The following GOT1L1 variants were observed in gnomAD, a reference collection of about 807,000 sequenced individuals.
GOT1L1 encodes the protein aspartate aminotransferase, cytoplasmic 2.
Under a neutral mutation model 43.6 loss-of-function variants are expected in GOT1L1, and 38 were observed. The ratio of observed to expected loss-of-function variants is 0.87; its 90% confidence interval spans 0.67 to 1.14. The LOEUF is 1.14. Among genes scored for constraint, GOT1L1 ranks in the 50% most tolerant of loss-of-function variants. The pLI, the probability that GOT1L1 is intolerant of heterozygous loss-of-function variation, is 0.00. For missense variants in GOT1L1, 482 were observed against 504.0 expected (o/e 0.96, Z 0.42); for synonymous variants, 183 against 187.2 (o/e 0.98, Z 0.18).
In GOT1L1 at chr8:37,939,933, T is replaced by A. The variant is rs1807881762; in HGVS notation, c.97A>T (p.Ile33Leu). Residue 33 changes from isoleucine (I) to leucine (L), a missense_variant, in exon 1 of 9, where the codon ATA becomes TTA. Ile to Leu is a conservative substitution (Grantham distance 5, BLOSUM62 2). Transcript: ENST00000307599. Reference protein sequence around the residue: ...TYKQDDYPNKIFLAYRVCMTN... With the variant: ...TYKQDDYPNKLFLAYRVCMTN... ...CATCTACCTCTATAGGCTAAGAATA[T>A]CTTGTTCGGGTAATCATCTTGTTTG... 1 of 1,613,534 alleles carries A rather than the reference T, an allele frequency of 6.2e-7. No individual in the cohort carries two copies. The highest frequency in any genetic ancestry group is 8.5e-7 in the Non-Finnish European group (1 of 1,179,578).
chr8:37,935,264 C>A, intron 7 of GOT1L1, 49 bp from the exon 8 acceptor site: 1 of 1,519,444 alleles, frequency 6.6e-7, no homozygotes. Flanking sequence ...CCCCCTTGCC[C>A]TCAAACCTCC....
intron 8 of GOT1L1, 28 bp downstream of exon 8, chr8:37,935,045 G>C (rs1312240785): frequency 2.5e-6 from 4 of 1,612,594 alleles, no homozygotes; most frequent in Non-Finnish European, 1.7e-6. Flanking sequence ...GGTCAGAAAG[G>C]GGGGACACCA....
At chr8:37,936,132 TTTTTTA>T (rs372141435) in intron 6 of GOT1L1, among the ~76,000 whole-genome samples, 6 of 151,978 alleles carry the variant, frequency 3.9e-5, no homozygotes, top group African/African-American at 9.7e-5. Flanking sequence ...TTTCCTTTCC[TTTTTTA>T]TTTTTATTTT....
chr8:37,934,527 C>G (rs747928084), intron 8 of GOT1L1, 41 bp from the exon 9 acceptor site: 1 of 1,400,772 alleles, frequency 7.1e-7, no homozygotes, highest in South Asian at 1.2e-5. Flanking sequence ...GACTGGCCAT[C>G]TCGAATTCTC....
intron 2 of GOT1L1, 56 bp from the exon 3 acceptor site, chr8:37,937,805 TC>T: frequency 8.0e-7 from 1 of 1,245,148 alleles, no homozygotes. Flanking sequence ...CACCTGTAAT[TC>T]CAGCACTTTG....
rs1807795717 is a variant in GOT1L1 at position 37,937,513 on chromosome 8, G to A, written c.409+125C>T. 1.2e-5 allele frequency: 12 copies of A among 993,106 alleles called. No individual in the cohort carries two copies. In the South Asian group the frequency reaches 1.8e-4, roughly 15 times the overall value. The allele number at this position is 993,106 out of a possible 1,614,324, so 61.5% of individuals were successfully genotyped here. On this transcript the variant is annotated intron_variant, in intron 3 of 8. Coordinates refer to ENST00000307599, the MANE Select transcript of GOT1L1 (RefSeq NM_152413.3). ...CATTAACAGGAAAAGGACATAAATA[G>A]CTTGGCTTGTCTGCCATTTTGCTCA...
At chr8:37,938,581 G>T (rs1273532512) in intron 2 of GOT1L1, 119 bp downstream of exon 2, 8 of 846,072 alleles carry the variant, frequency 9.5e-6, no homozygotes, top group Non-Finnish European at 1.4e-5. Context: ...CTGAGCCTCA[G>T]GTATCTCTTT....
intron 8 of GOT1L1, among the ~76,000 whole-genome samples, chr8:37,934,776 A>G (rs939108960): frequency 3.9e-5 from 6 of 152,144 alleles, no homozygotes; most frequent in Admixed American, 2.6e-4. Flanking sequence ...GGGTTTCACC[A>G]TGTTGGCCAG....
chr8:37,936,920 G>A (rs1807773723), intron 5 of GOT1L1, 45 bp downstream of exon 5: 1 of 1,609,924 alleles, frequency 6.2e-7, no homozygotes, highest in African/African-American at 1.3e-5. Context: ...GGAGGAGAGA[G>A]CAGAGAGTCA....
intron 2 of GOT1L1, 148 bp downstream of exon 2, chr8:37,938,552 C>CT (rs1192076665): frequency 1.5e-6 from 1 of 650,298 alleles, no homozygotes; most frequent in Non-Finnish European, 2.6e-6. Flanking sequence ...GACTCGATGG[C>CT]TAAGGACTTG....
At chr8:37,936,541 T>C (rs1807761381) in intron 6 of GOT1L1, among the ~76,000 whole-genome samples, 179 bp downstream of exon 6, 1 of 152,078 alleles carries the variant, frequency 6.6e-6, no homozygotes, top group African/African-American at 2.4e-5. Context: ...GGTTGGGTTC[T>C]GTTACTAGAT....
At chr8:37,937,616 C>A in intron 3 of GOT1L1, 22 bp downstream of exon 3, 2 of 1,495,006 alleles carry the variant, frequency 1.3e-6, no homozygotes, top group East Asian at 2.3e-5. Context: ...TTGCTGTTCC[C>A]CTCATCTTGG....
chr8:37,935,899 C>T (rs1807738743), intron 6 of GOT1L1, 30 bp from the exon 7 acceptor site: 1 of 1,599,680 alleles, frequency 6.3e-7, no homozygotes, highest in African/African-American at 1.4e-5. Context: ...GCCTCAGCCT[C>T]AGCCCCTTCC....
At chr8:37,938,083 TAGAC>T (rs1053709281) in intron 2 of GOT1L1, among the ~76,000 whole-genome samples, 46 of 150,148 alleles carry the variant, frequency 3.1e-4, no homozygotes, top group African/African-American at 8.8e-4. Flanking sequence ...TAAAAAGAAA[TAGAC>T]AGAAATAACA....
At chr8:37,939,430 AAAT>A (rs1807858075) in intron 1 of GOT1L1, among the ~76,000 whole-genome samples, 2 of 59,446 alleles carry the variant, frequency 3.4e-5, no homozygotes, top group Non-Finnish European at 6.0e-5. Context: ...AAAAAAAAAA[AAAT>A]ATATATATAT....
chr8:37,936,248 G>A (rs1190454180), intron 6 of GOT1L1, among the ~76,000 whole-genome samples: 7 of 151,988 alleles, frequency 4.6e-5, no homozygotes, highest in African/African-American at 1.7e-4. Flanking sequence ...CTGGGCTTAA[G>A]CAATCCTCCT....
chr8:37,937,671 C>T lies in GOT1L1; in HGVS notation c.376G>A (p.Ala126Thr). ...VQFLRAWHKD[A>T]RIVYIISSQK... ...GAAGAGATGATGTAAACTATACGAGCATCCTTATGCCAAGCTCTGAGAAAC... is the reference window on the plus strand; with the variant it reads ...GAAGAGATGATGTAAACTATACGAGTATCCTTATGCCAAGCTCTGAGAAAC... Residue 126 changes from alanine to threonine, a missense_variant, in exon 3 of 9, where the codon GCT becomes ACT. By Grantham distance (58) the Ala-to-Thr change is moderately conservative (BLOSUM62 0). Transcript: ENST00000307599. 6.2e-7 allele frequency: 1 copy of T among 1,612,566 alleles called. No individual in the cohort carries two copies. Among genetic ancestry groups the T allele is most frequent in the Non-Finnish European group, 8.5e-7 (1 of 1,179,232 alleles).
At position 37,935,883 on chromosome 8, in the gene GOT1L1, A is replaced by G. The variant is rs988952484; in HGVS notation, c.764-14T>C. On this transcript the variant is annotated splice_polypyrimidine_tract_variant and intron_variant, in intron 6 of 8. Transcript: ENST00000307599. ...CCACTCCTTCATCTGCAGTGTTGGGAAGACAGCCTCAGCCTCAGCCCCTTC... is the reference window on the plus strand; with the variant it reads ...CCACTCCTTCATCTGCAGTGTTGGGGAGACAGCCTCAGCCTCAGCCCCTTC... 22 of 1,609,186 alleles carry G rather than the reference A, an allele frequency of 1.4e-5. No individual in the cohort carries two copies. Among genetic ancestry groups the G allele is most frequent in the Non-Finnish European group, 1.9e-5 (22 of 1,177,924 alleles).
chr8:37,936,690 A>G, intron 6 of GOT1L1, 30 bp downstream of exon 6: 2 of 1,585,022 alleles, frequency 1.3e-6, no homozygotes, highest in South Asian at 1.1e-5. Flanking sequence ...CTTCAGCAAC[A>G]GACCCTCCCT....
Sources: allele counts gnomAD v4.1 joint callset (sites outside exome capture counted in the v4.1 genomes callset), GRCh38; gene constraint gnomAD v4.1.1; transcripts MANE v1.5; gene names NCBI Gene and HGNC (gene_info 2026-07-23, HGNC 2026-07-21).